CHRM3: variants seen among roughly 807,000 people sequenced by gnomAD.
CHRM3 encodes muscarinic acetylcholine receptor M3.
In CHRM3, 11 loss-of-function variants were observed where a neutral mutation model predicts 41.8. The observed-to-expected ratio is 0.26, with a 90% CI of 0.17 to 0.44. CHRM3 has a LOEUF of 0.44. Ranked by LOEUF, CHRM3 falls within the 20% of genes least tolerant of loss-of-function variation. The probability of loss-of-function intolerance (pLI) is 1.00; values close to 1 mark genes in which losing one functional copy is unlikely to be tolerated. For synonymous variants in CHRM3, 297 were observed against 301.4 expected, an observed-to-expected ratio of 0.99 and a Z score of 0.15; for missense variants, 571 against 745.4, an observed-to-expected ratio of 0.77 and a Z score of 2.72.
intron 5 of CHRM3, among the ~76,000 whole-genome samples, chr1:239,814,050 A>G (rs895029466): frequency 4.6e-5 from 4 of 87,200 alleles, no homozygotes; most frequent in African/African-American, 1.7e-4. Flanking sequence ...AAATAAATAA[A>G]TAAATACATA....
intron 2 of CHRM3, among the ~76,000 whole-genome samples, chr1:239,537,084 T>A (rs1235649110): frequency 6.6e-6 from 1 of 152,172 alleles, no homozygotes; most frequent in Non-Finnish European, 1.5e-5. Flanking sequence ...GATTGCCAAT[T>A]TCTCTGCAGT....
At chr1:239,767,782 C>T (rs1667339242) in intron 5 of CHRM3, among the ~76,000 whole-genome samples, 1 of 152,164 alleles carries the variant, frequency 6.6e-6, no homozygotes, top group African/African-American at 2.4e-5. Flanking sequence ...CTGATGGAAT[C>T]AGATGGATCT....
Position 239,911,699 on chromosome 1 carries a change from C to T in CHRM3, c.*2475C>T, listed in dbSNP as rs764365595. The T allele has an allele frequency of 2.4e-5, 4 of 166,956 alleles. No homozygotes were observed. Among genetic ancestry groups the T allele is most frequent in the Non-Finnish European group, 4.4e-5 (3 of 68,094 alleles). The allele number at this position is 166,956 out of a possible 1,614,324, so 10.3% of individuals were successfully genotyped here. A position where few individuals can be genotyped will look rare whatever the true frequency, so the allele number is the denominator to read the frequency against. ...TAATAATAGCAGAAAAGGAACAAAT[C>T]CAAGACTCTAGGTCTCCCTTTTTTG... On this transcript the variant is annotated 3_prime_UTR_variant, in exon 7 of 7. Coordinates refer to ENST00000676153, the MANE Select transcript of CHRM3 (RefSeq NM_001375978.1).
chr1:239,769,404 A>C (rs1667479187), intron 5 of CHRM3, among the ~76,000 whole-genome samples: 1 of 148,440 alleles, frequency 6.7e-6, no homozygotes, highest in Admixed American at 6.6e-5. Flanking sequence ...AGGATTTCAT[A>C]GACAGAGAGC....
chr1:239,797,203 T>C (rs1669848599), intron 5 of CHRM3, among the ~76,000 whole-genome samples: 1 of 151,910 alleles, frequency 6.6e-6, no homozygotes, highest in African/African-American at 2.4e-5. Flanking sequence ...ATTCCAAAAA[T>C]TGGGAGGAAA....
At chr1:239,731,838 G>A (rs1362025338) in intron 5 of CHRM3, among the ~76,000 whole-genome samples, 1 of 151,982 alleles carries the variant, frequency 6.6e-6, no homozygotes, top group Non-Finnish European at 1.5e-5. Context: ...GGGTTTGGCA[G>A]AGAAATGTTA....
At chr1:239,460,205 A>G (rs1665250228) in intron 1 of CHRM3, among the ~76,000 whole-genome samples, 1 of 152,198 alleles carries the variant, frequency 6.6e-6, no homozygotes, top group Non-Finnish European at 1.5e-5. Context: ...AGGAGTATGT[A>G]TTGGGGAAGA....
At chr1:239,469,680 C>T (rs1379739509) in intron 1 of CHRM3, among the ~76,000 whole-genome samples, 4 of 152,108 alleles carry the variant, frequency 2.6e-5, no homozygotes, top group Admixed American at 6.6e-5. Flanking sequence ...CCTCAGCCTC[C>T]GGAGTAGCTG....
At chr1:239,517,066 G>T (rs1442615373) in intron 2 of CHRM3, among the ~76,000 whole-genome samples, 2 of 152,054 alleles carry the variant, frequency 1.3e-5, no homozygotes, top group East Asian at 3.9e-4. Flanking sequence ...AATAATAATA[G>T]AAATAAAGTA....
At chr1:239,899,665 T>TAC (rs1313034430) in intron 6 of CHRM3, 14 of 152,030 alleles carry the variant, frequency 9.2e-5, no homozygotes, top group Non-Finnish European at 4.4e-5. Context: ...ATAGTATATA[T>TAC]ACACGATATA....
intron 3 of CHRM3, among the ~76,000 whole-genome samples, chr1:239,614,041 C>T (rs190926641): frequency 2.0e-5 from 3 of 152,212 alleles, no homozygotes; most frequent in Non-Finnish European, 4.4e-5. Context: ...GTGGTGTTTA[C>T]CTGCAGCCCC....
intron 4 of CHRM3, among the ~76,000 whole-genome samples, chr1:239,642,350 C>A (rs887846614): frequency 3.3e-5 from 5 of 151,932 alleles, no homozygotes; most frequent in African/African-American, 1.2e-4. Context: ...GGATAATATC[C>A]GGCAGAGTGT....
chr1:239,767,911 G>A (rs568761636), intron 5 of CHRM3, among the ~76,000 whole-genome samples: 10 of 152,172 alleles, frequency 6.6e-5, no homozygotes, highest in Middle Eastern at 3.4e-3. Context: ...CCTGGTTCAC[G>A]TGGGCTGGAG....
At chr1:239,420,174 C>T (rs532196999) in intron 1 of CHRM3, among the ~76,000 whole-genome samples, 53 of 152,228 alleles carry the variant, frequency 3.5e-4, no homozygotes, top group Admixed American at 9.2e-4. Flanking sequence ...GTTTAGTGGT[C>T]GCTTTTCATC....
rs138979853 is a variant in CHRM3 at position 239,807,270 on chromosome 1, ATAAT to A, written c.-146-19980_-146-19977del. Among the ~76,000 whole-genome samples, 606 of 152,342 alleles carry A rather than the reference ATAAT, an allele frequency of 4.0e-3. 8 individuals carry two copies. The highest frequency in any genetic ancestry group is 0.014 in the African/African-American group (589 of 41,584). On this transcript the variant is annotated intron_variant, in intron 5 of 6. Coordinates refer to ENST00000676153, the MANE Select transcript of CHRM3 (RefSeq NM_001375978.1). ...CCAACTCCTTAATACATCATTCTAA[ATAAT>A]TCTTCTTCTGGCCTTTTTATTATTG...
intron 3 of CHRM3, among the ~76,000 whole-genome samples, chr1:239,576,039 G>C (rs1662303224): frequency 6.6e-6 from 1 of 152,190 alleles, no homozygotes; most frequent in South Asian, 2.1e-4. Flanking sequence ...TCATGAATTT[G>C]ACTACTCTAG....
intron 6 of CHRM3, among the ~76,000 whole-genome samples, chr1:239,859,819 T>TATATATATA (rs1675465542): frequency 9.1e-5 from 12 of 131,424 alleles, no homozygotes; most frequent in African/African-American, 2.1e-4. Context: ...TCTAAGTGTT[T>TATATATATA]TATATATATA....
rs1042229570 is a variant in CHRM3 at position 239,910,422 on chromosome 1, T to C, written c.*1198T>C. 9 of 165,638 alleles carry C rather than the reference T, an allele frequency of 5.4e-5. No homozygotes were observed. The highest frequency in any genetic ancestry group is 2.0e-4 in the African/African-American group (8 of 40,980). 10.3% of individuals were successfully genotyped at this position (165,638 alleles called of 1,614,324 possible). A position where few individuals can be genotyped will look rare whatever the true frequency, so the allele number is the denominator to read the frequency against. ...CTGAATGGCACCTTCTCAAAGAAAA[T>C]AGGGCTTGCACCTTTGTTAATCAGC... is the stretch of plus-strand genomic sequence containing the variant. On this transcript the variant is annotated 3_prime_UTR_variant, in exon 7 of 7. Transcript: ENST00000676153.
At chr1:239,425,835 C>T (rs1011328027) in intron 1 of CHRM3, among the ~76,000 whole-genome samples, 19 of 152,066 alleles carry the variant, frequency 1.2e-4, no homozygotes, top group Non-Finnish European at 1.8e-4. Context: ...GTCATTGTGT[C>T]GTTTCAGAAA....
Sources: allele counts gnomAD v4.1 joint callset (sites outside exome capture counted in the v4.1 genomes callset), GRCh38; gene constraint gnomAD v4.1.1; transcripts MANE v1.5; gene names NCBI Gene and HGNC (gene_info 2026-07-23, HGNC 2026-07-21).